Variants in TMEM132D observed in about 807,000 individuals in gnomAD.
TMEM132D encodes the protein mature OL transmembrane protein.
Under a neutral mutation model 62.3 loss-of-function variants are expected in TMEM132D, and 21 were observed. The ratio of observed to expected loss-of-function variants is 0.34; its 90% CI spans 0.24 to 0.49. The LOEUF (loss-of-function observed/expected upper bound fraction) is 0.49. Ranked by LOEUF, TMEM132D falls within the 20% of genes least tolerant of loss-of-function variation. The pLI, the probability that TMEM132D is intolerant of heterozygous loss-of-function variation, is 0.99. For missense variants in TMEM132D, 1,346 were observed against 1,402.8 expected (o/e 0.96, Z 0.65); for synonymous variants, 621 against 575.6 (o/e 1.08, Z -1.13).
At chr12:129,616,798 C>A (rs546342897) in intron 2 of TMEM132D, among the ~76,000 whole-genome samples, 4 of 152,190 alleles carry the variant, frequency 2.6e-5, no homozygotes, top group Non-Finnish European at 5.9e-5. Context: ...GTCTCGGGTA[C>A]GTCTTCATTA....
chr12:129,198,919 A>C (rs1477634929), intron 5 of TMEM132D, among the ~76,000 whole-genome samples: 1 of 152,078 alleles, frequency 6.6e-6, no homozygotes, highest in Non-Finnish European at 1.5e-5. Context: ...TAAACTGTTA[A>C]TTTATAATAA....
At chr12:129,493,610 GAC>G (rs1478099812) in intron 3 of TMEM132D, among the ~76,000 whole-genome samples, 1 of 152,138 alleles carries the variant, frequency 6.6e-6, no homozygotes, top group Admixed American at 6.6e-5. Context: ...ATTGATTTTT[GAC>G]ACACACAATA....
At chr12:129,712,134 TA>T (rs1409639287) in intron 1 of TMEM132D, among the ~76,000 whole-genome samples, 1 of 152,106 alleles carries the variant, frequency 6.6e-6, no homozygotes, top group African/African-American at 2.4e-5. Context: ...TTGTTATTAT[TA>T]TTTTTTTGAG....
intron 5 of TMEM132D, among the ~76,000 whole-genome samples, chr12:129,142,489 G>A (rs768430590): frequency 1.6e-4 from 25 of 152,086 alleles, no homozygotes; most frequent in Admixed American, 6.5e-5. Flanking sequence ...TTGTTAAGCT[G>A]TTTCAAGCAT....
intron 2 of TMEM132D, among the ~76,000 whole-genome samples, chr12:129,673,512 G>T (rs1250762044): frequency 6.6e-6 from 1 of 152,004 alleles, no homozygotes. Context: ...CTGCTTGAAA[G>T]AAATCTGAAA....
chr12:129,743,412 C>A (rs1251247750), intron 1 of TMEM132D, among the ~76,000 whole-genome samples: 1 of 152,144 alleles, frequency 6.6e-6, no homozygotes, highest in Non-Finnish European at 1.5e-5. Flanking sequence ...TTATAAGGGG[C>A]TTTTCCCCCT....
At chr12:129,810,146 T>C (rs1872124701) in intron 1 of TMEM132D, among the ~76,000 whole-genome samples, 1 of 152,114 alleles carries the variant, frequency 6.6e-6, no homozygotes, top group South Asian at 2.1e-4. Flanking sequence ...ACTAGCATTT[T>C]TATTAAGAAC....
chr12:129,578,504 A>G (rs1877747915), intron 2 of TMEM132D, among the ~76,000 whole-genome samples: 1 of 151,362 alleles, frequency 6.6e-6, no homozygotes, highest in Admixed American at 6.6e-5. Context: ...TCTATTATAC[A>G]ATACACATGC....
intron 4 of TMEM132D, among the ~76,000 whole-genome samples, chr12:129,242,184 T>C (rs1354723578): frequency 6.6e-6 from 1 of 152,218 alleles, no homozygotes; most frequent in Non-Finnish European, 1.5e-5. Context: ...AAGAATGGGG[T>C]TTTACAACTT....
rs900025944 is a variant in TMEM132D at position 129,691,338 on chromosome 12, A to G, written c.968+8472T>C. Among the ~76,000 whole-genome samples the G allele has an allele frequency of 2.6e-4, 39 of 151,942 alleles. 1 individual carries two copies. Among genetic ancestry groups the G allele is most frequent in the Non-Finnish European group, 2.9e-5 (2 of 67,900 alleles). ...GAAGGAAATTATACAAATTAGAGAA[A>G]AAAATCAATGAAATTGAAAATAGAA... On this transcript the variant is annotated intron_variant, in intron 2 of 8. Transcript: ENST00000422113.
intron 3 of TMEM132D, 135 bp downstream of exon 3, chr12:129,530,924 G>T: frequency 1.2e-6 from 1 of 861,984 alleles, no homozygotes; most frequent in Non-Finnish European, 1.7e-6. Flanking sequence ...CTACCTGGAG[G>T]CCCTGATAGA....
Position 129,074,412 on chromosome 12 carries a change from A to G in TMEM132D, c.2763T>C (p.Tyr921=), listed in dbSNP as rs1874179328. 4 of 1,614,012 alleles carry G rather than the reference A, an allele frequency of 2.5e-6. No individual in the cohort carries two copies. The South Asian group carries it at 4.4e-5, about 18-fold the overall frequency. The stretch of plus-strand genomic sequence containing the variant: ...CCAAACAGAAGACTCCCAACAAAGC[A>G]TACATCCCAATTTCTAAGTCGCTCA... The part of the protein sequence containing the change: ...KGLSDLEIGM[Y]ALLGVFCLAI... The change falls in exon 9 of 9, where the codon TAT becomes TAC. Residue 921 remains tyrosine, a synonymous_variant. Coordinates refer to ENST00000422113, the MANE Select transcript of TMEM132D (RefSeq NM_133448.3).
chr12:129,175,862 A>G (rs1398088494), intron 5 of TMEM132D, among the ~76,000 whole-genome samples: 1 of 152,210 alleles, frequency 6.6e-6, no homozygotes, highest in Non-Finnish European at 1.5e-5. Context: ...TATGTCCAAA[A>G]TCCTTCTAGG....
chr12:129,588,907 T>C (rs1374009994), intron 2 of TMEM132D, among the ~76,000 whole-genome samples: 1 of 151,806 alleles, frequency 6.6e-6, no homozygotes, highest in Non-Finnish European at 1.5e-5. Context: ...ATTGGTACCA[T>C]TCCTGAAAGC....
intron 2 of TMEM132D, among the ~76,000 whole-genome samples, chr12:129,544,264 T>A (rs1277792621): frequency 6.6e-6 from 1 of 152,244 alleles, no homozygotes; most frequent in African/African-American, 2.4e-5. Flanking sequence ...TCCATTTCCC[T>A]GTTGCTTTCT....
At chr12:129,709,315 G>A (rs1881583988) in intron 1 of TMEM132D, among the ~76,000 whole-genome samples, 1 of 152,166 alleles carries the variant, frequency 6.6e-6, no homozygotes, top group Non-Finnish European at 1.5e-5. Flanking sequence ...AAATTTATAA[G>A]AATGTTGAGT....
Position 129,081,986 on chromosome 12 carries a change from G to T in TMEM132D, c.1696C>A (p.Arg566Ser), listed in dbSNP as rs750720403. ...EEEEDDERRGRGCTLQYQHAM... is the reference protein window; with the variant it reads ...EEEEDDERRGSGCTLQYQHAM... ...TGCTGGTACTGCAGGGTGCAGCCGCGGCCCCTCCGCTCATCATCCTCCTCC... is the reference window on the plus strand; with the variant it reads ...TGCTGGTACTGCAGGGTGCAGCCGCTGCCCCTCCGCTCATCATCCTCCTCC... The change falls in exon 7 of 9, where the codon CGC becomes AGC. Residue 566 changes from arginine to serine, a missense_variant. Arg to Ser is a moderately radical substitution (Grantham distance 110). Transcript: ENST00000422113. The T allele has an allele frequency of 6.2e-7, 1 of 1,612,966 alleles. No homozygotes were observed. The highest frequency in any genetic ancestry group is 8.5e-7 in the Non-Finnish European group (1 of 1,179,358).
Position 129,185,755 on chromosome 12 carries a change from T to C in TMEM132D, c.1443+23765A>G, listed in dbSNP as rs529433082. ...TATCTATCTATCTGCCTGTCTTTTA[T>C]CCATCATCTGTCTGTCTGTCTATCT... On this transcript the variant is annotated intron_variant, in intron 5 of 8. Transcript: ENST00000422113. Among the ~76,000 whole-genome samples, 231 of 63,382 alleles carry C rather than the reference T, an allele frequency of 3.6e-3. 3 individuals carry two copies. The highest frequency in any genetic ancestry group is 0.012 in the African/African-American group (219 of 17,760). 41.6% of individuals were successfully genotyped at this position (63,382 alleles called of 152,430 possible). A position where few individuals can be genotyped will look rare whatever the true frequency, so the allele number is the denominator to read the frequency against.
chr12:129,349,847 G>A (rs891883468), intron 3 of TMEM132D, among the ~76,000 whole-genome samples: 1 of 152,162 alleles, frequency 6.6e-6, no homozygotes, highest in Non-Finnish European at 1.5e-5. Flanking sequence ...CTGCCTAAGG[G>A]CTTACGGAGC....
Sources: allele counts gnomAD v4.1 joint callset (sites outside exome capture counted in the v4.1 genomes callset), GRCh38; gene constraint gnomAD v4.1.1; transcripts MANE v1.5; gene names NCBI Gene and HGNC (gene_info 2026-07-23, HGNC 2026-07-21).